The following TOGARAM2 variants were observed in gnomAD, a reference collection of about 807,000 sequenced individuals.
TOGARAM2 encodes TOG array regulator of axonemal microtubules protein 2.
Under a neutral mutation model 93.3 loss-of-function variants are expected in TOGARAM2, and 85 were observed. That is an observed-to-expected ratio of 0.91 (90% CI 0.76 to 1.09). The LOEUF is 1.09. Among genes scored for constraint, TOGARAM2 ranks in the 50% least tolerant of loss-of-function variants. TOGARAM2 has a pLI of 0.00. For missense variants in TOGARAM2, 1,277 were observed against 1,334.5 expected (o/e 0.96, Z 0.67); for synonymous variants, 593 against 552.8 (o/e 1.07, Z -1.02).
intron 1 of TOGARAM2, among the ~76,000 whole-genome samples, chr2:28,961,792 C>T (rs1671807491): frequency 6.6e-6 from 1 of 152,212 alleles, no homozygotes; most frequent in Non-Finnish European, 1.5e-5. Flanking sequence ...CAATTAATCC[C>T]AAATGTCCCT....
intron 1 of TOGARAM2, among the ~76,000 whole-genome samples, chr2:28,969,216 A>G (rs917397348): frequency 3.3e-5 from 5 of 152,232 alleles, no homozygotes; most frequent in South Asian, 2.1e-4. Flanking sequence ...AGTGCAGGCC[A>G]TCTCTGGGGG....
At chr2:29,004,873 G>A (rs1445765918) in intron 6 of TOGARAM2, among the ~76,000 whole-genome samples, 2 of 150,568 alleles carry the variant, frequency 1.3e-5, no homozygotes, top group East Asian at 3.9e-4. Context: ...GTGTGCATGT[G>A]TGTGGAGTGT....
chr2:29,052,070 T>C lies in TOGARAM2; in HGVS notation c.3037T>C (p.Ser1013Pro). The C allele has an allele frequency of 6.3e-7, 1 of 1,588,248 alleles. No individual in the cohort carries two copies. Among genetic ancestry groups the C allele is most frequent in the South Asian group, 1.1e-5 (1 of 88,956 alleles). ...CCCTGACAGCAAGACAACTGGCAGCTCATACCCTTTTCAGCTGGATTAAAG... is the reference window on the plus strand; with the variant it reads ...CCCTGACAGCAAGACAACTGGCAGCCCATACCCTTTTCAGCTGGATTAAAG... ...VAPDSKTTGS[S>P]YPFQLD The change falls in exon 20 of 20, where the codon TCA (serine) becomes CCA (proline). Residue 1013 changes from serine to proline, a missense_variant. By Grantham distance (74) the Ser-to-Pro change is moderately conservative (BLOSUM62 -1). Coordinates refer to ENST00000379558, the MANE Select transcript of TOGARAM2 (RefSeq NM_199280.4).
Position 29,014,571 on chromosome 2 carries a change from G to A in TOGARAM2, c.1044+10G>A, listed in dbSNP as rs765764796. 3 of 1,561,050 alleles carry A rather than the reference G, an allele frequency of 1.9e-6. No homozygotes were observed. In the South Asian group the frequency reaches 3.5e-5, roughly 18 times the overall value. On this transcript the variant is annotated intron_variant, in intron 8 of 19. Coordinates refer to ENST00000379558, the MANE Select transcript of TOGARAM2 (RefSeq NM_199280.4). ...GGAGATCGGCACCAAGGTACCTGGG[G>A]AGCGGGAGGAGGAGGAAGTGGGGCT...
chr2:29,031,595 G>A (rs1320881880), intron 14 of TOGARAM2, among the ~76,000 whole-genome samples: 1 of 152,194 alleles, frequency 6.6e-6, no homozygotes, highest in African/African-American at 2.4e-5. Flanking sequence ...GCATGGCAAC[G>A]TCAGTGGATA....
At chr2:29,012,882 C>T (rs1181195649) in intron 7 of TOGARAM2, among the ~76,000 whole-genome samples, 2 of 152,226 alleles carry the variant, frequency 1.3e-5, no homozygotes, top group South Asian at 4.1e-4. Context: ...TCTGCTCTGC[C>T]TCTTACCTCT....
chr2:29,047,951 G>C (rs1475826061), intron 19 of TOGARAM2: 3 of 152,274 alleles, frequency 2.0e-5, no homozygotes, highest in African/African-American at 7.2e-5. Context: ...GCGTGCCTGG[G>C]TTTGGCTCTT....
At position 29,033,063 on chromosome 2, in the gene TOGARAM2, G is replaced by C. The variant is rs1170219512; in HGVS notation, c.2130+12G>C. ...CCATTAAACAGCAGGTGAGCTGTGG[G>C]GCATAAGTGGGTCATGGCCTTTTGG... On this transcript the variant is annotated intron_variant, in intron 15 of 19. Coordinates refer to ENST00000379558, the MANE Select transcript of TOGARAM2 (RefSeq NM_199280.4). 2.5e-6 allele frequency: 4 copies of C among 1,607,060 alleles called. No individual in the cohort carries two copies. The highest frequency in any genetic ancestry group is 3.4e-5 in the Admixed American group (2 of 59,468).
At chr2:29,009,527 A>T (rs1257778059) in intron 6 of TOGARAM2, among the ~76,000 whole-genome samples, 2 of 86,682 alleles carry the variant, frequency 2.3e-5, no homozygotes, top group Admixed American at 1.5e-4. Context: ...GAGGATGCAG[A>T]GGTGGGGGCG....
intron 10 of TOGARAM2, among the ~76,000 whole-genome samples, chr2:29,021,072 C>A (rs758176222): frequency 6.6e-6 from 1 of 152,160 alleles, no homozygotes. Context: ...TACCACTATG[C>A]CCAGCTAATT....
chr2:29,042,264 T>C (rs1056266378), intron 18 of TOGARAM2, among the ~76,000 whole-genome samples: 9 of 152,250 alleles, frequency 5.9e-5, no homozygotes, highest in African/African-American at 1.9e-4. Flanking sequence ...CCAGGCACAC[T>C]GTGTCTTGTT....
chr2:28,979,611 T>C (rs1208474196), upstream of TOGARAM2, among the ~76,000 whole-genome samples: 3 of 152,206 alleles, frequency 2.0e-5, no homozygotes, highest in African/African-American at 7.2e-5. Flanking sequence ...TGCTGCCTCC[T>C]GTGTCTCTAG....
At chr2:28,986,074 C>T (rs1672450385) in intron 1 of TOGARAM2, among the ~76,000 whole-genome samples, 1 of 150,018 alleles carries the variant, frequency 6.7e-6, no homozygotes, top group South Asian at 2.1e-4. Context: ...GATCATGACA[C>T]TGACCTCCAG....
At chr2:28,983,685 G>A (rs1379215393) in intron 1 of TOGARAM2, among the ~76,000 whole-genome samples, 2 of 152,152 alleles carry the variant, frequency 1.3e-5, no homozygotes, top group African/African-American at 4.8e-5. Context: ...GAGTGGAATT[G>A]CTGAACATTA....
chr2:29,029,449 T>C (rs1379425740), intron 14 of TOGARAM2, among the ~76,000 whole-genome samples: 1 of 152,176 alleles, frequency 6.6e-6, no homozygotes. Flanking sequence ...GCTATGAGGA[T>C]GCAAGGGCAT....
intron 1 of TOGARAM2, among the ~76,000 whole-genome samples, chr2:28,986,112 C>CAAAAAAA (rs34903095): frequency 1.8e-4 from 17 of 95,028 alleles, no homozygotes; most frequent in African/African-American, 2.6e-4. Context: ...AACTGTGTCT[C>CAAAAAAA]AAAAAAAAAA....
In TOGARAM2 at chr2:29,024,119, G is replaced by GCCTCTCT. The variant is rs1459432209; in HGVS notation, c.1618-10_1618-4dup. The GCCTCTCT allele has an allele frequency of 1.3e-6, 2 of 1,553,896 alleles. No individual in the cohort carries two copies. Among genetic ancestry groups the GCCTCTCT allele is most frequent in the East Asian group, 4.9e-5 (2 of 41,220 alleles). ...TTGGCAGGGTCCAGCACCCTGGAGG[G>GCCTCTCT]CCTCTCTCCTCTCTCCAAGGTCACC... On this transcript the variant is annotated intron_variant, in intron 12 of 19. Transcript: ENST00000379558.
intron 6 of TOGARAM2, among the ~76,000 whole-genome samples, chr2:29,005,269 AGTGTGTGTGCATATGT>A (rs1017136742): frequency 3.5e-5 from 4 of 115,432 alleles, no homozygotes; most frequent in African/African-American, 1.1e-4. Flanking sequence ...ATGTGTGTGG[AGTGTGTGTGCATATGT>A]GTGTGTGTGC....
In TOGARAM2 at chr2:29,027,009, C is replaced by G; in HGVS notation, c.2010C>G (p.Thr670=). The change falls in exon 14 of 20, where the codon ACC becomes ACG. Residue 670 remains threonine, a splice_region_variant and synonymous_variant. Coordinates refer to ENST00000379558, the MANE Select transcript of TOGARAM2 (RefSeq NM_199280.4). ...TGGCACAGGACTCCAACCAGGACAC[C>G]AGGTAGGGCAGGGCCAGGGGCCTGG... ...VRLAQDSNQD[T]RFYGRKMVNI... The G allele has an allele frequency of 6.4e-7, 1 of 1,555,964 alleles. No homozygotes were observed. The highest frequency in any genetic ancestry group is 8.7e-7 in the Non-Finnish European group (1 of 1,149,186).
Sources: allele counts gnomAD v4.1 joint callset (sites outside exome capture counted in the v4.1 genomes callset), GRCh38; gene constraint gnomAD v4.1.1; transcripts MANE v1.5; gene names NCBI Gene and HGNC (gene_info 2026-07-23, HGNC 2026-07-21).